Variants in CCDC3 observed in about 807,000 individuals in gnomAD.
CCDC3 encodes coiled-coil domain containing 3, also known as coiled-coil domain-containing protein 3.
Under a neutral mutation model 21.4 loss-of-function variants are expected in CCDC3, and 24 were observed. That is an observed-to-expected ratio of 1.12 (90% confidence interval 0.81 to 1.58). CCDC3 has a LOEUF of 1.58. Ranked by LOEUF, CCDC3 falls within the 40% of genes most tolerant of loss-of-function variation. CCDC3 has a pLI of 0.00. For synonymous variants in CCDC3, 186 were observed against 166.0 expected (o/e 1.12, Z -0.93); for missense variants, 425 against 360.9 (o/e 1.18, Z -1.44).
intron 2 of CCDC3, among the ~76,000 whole-genome samples, chr10:12,985,881 A>G (rs73583858): frequency 0.015 from 2,331 of 152,122 alleles, 65 homozygotes; most frequent in African/African-American, 0.053. Context: ...CGAGTTTTTT[A>G]TTTGTTTGTT....
chr10:12,981,039 A>AC (rs1443060344), intron 2 of CCDC3, among the ~76,000 whole-genome samples: 1 of 150,394 alleles, frequency 6.6e-6, no homozygotes, highest in Non-Finnish European at 1.5e-5. Context: ...GGAAGATTAG[A>AC]CTTTTTTTTT....
Position 12,898,516 on chromosome 10 carries a change from A to G in CCDC3, c.713T>C (p.Leu238Pro). The change falls in exon 3 of 3, where the codon CTG becomes CCG. Residue 238 changes from leucine to proline, a missense_variant. Coordinates refer to ENST00000378825, the MANE Select transcript of CCDC3 (RefSeq NM_031455.4). ...ACTGAGTTTCTGGTTCGCCAGCTCCAGGTGGCGGCCCTTCTTACGCGCCTG... is the reference window on the plus strand; with the variant it reads ...ACTGAGTTTCTGGTTCGCCAGCTCCGGGTGGCGGCCCTTCTTACGCGCCTG... Reference protein sequence around the residue: ...LRQARKKGRHLELANQKLSEK... With the variant: ...LRQARKKGRHPELANQKLSEK... 6.2e-7 allele frequency: 1 copy of G among 1,614,154 alleles called. No homozygotes were observed. Among genetic ancestry groups the G allele is most frequent in the Admixed American group, 1.7e-5 (1 of 60,024 alleles).
chr10:12,958,776 G>T (rs1158182707), intron 2 of CCDC3, among the ~76,000 whole-genome samples: 1 of 152,048 alleles, frequency 6.6e-6, no homozygotes, highest in African/African-American at 2.4e-5. Flanking sequence ...CCTCATCCTC[G>T]GCAGGTTCAT....
At chr10:12,957,178 A>G (rs1007450690) in intron 2 of CCDC3, among the ~76,000 whole-genome samples, 1 of 152,018 alleles carries the variant, frequency 6.6e-6, no homozygotes, top group Non-Finnish European at 1.5e-5. Flanking sequence ...AAGCACACTG[A>G]CCAACCCCCC....
At chr10:13,077,969 A>T (rs1340605656) in intron 3 of CCDC3, among the ~76,000 whole-genome samples, 3 of 152,242 alleles carry the variant, frequency 2.0e-5, no homozygotes, top group Non-Finnish European at 4.4e-5. Flanking sequence ...CATGACTAAA[A>T]CACCAAAAGC....
intron 2 of CCDC3, among the ~76,000 whole-genome samples, chr10:12,901,786 A>C (rs1834096795): frequency 6.6e-6 from 1 of 152,238 alleles, no homozygotes; most frequent in Admixed American, 6.5e-5. Context: ...GGACCCGGCC[A>C]ACATCTCCAG....
chr10:12,996,997 C>T (rs915057229), intron 2 of CCDC3, among the ~76,000 whole-genome samples: 3 of 152,036 alleles, frequency 2.0e-5, no homozygotes, highest in African/African-American at 4.8e-5. Context: ...GGGTGCGAAA[C>T]GATTGGTATA....
At chr10:13,076,903 T>C (rs1281420409) in intron 3 of CCDC3, among the ~76,000 whole-genome samples, 9 of 152,174 alleles carry the variant, frequency 5.9e-5, no homozygotes, top group Admixed American at 5.9e-4. Flanking sequence ...AGGGACAAGC[T>C]GCATAAGGGA....
chr10:13,001,265 GGT>G lies in CCDC3; in HGVS notation c.304_305del (p.Thr102ArgfsTer26). On this transcript the variant is annotated frameshift_variant, in exon 1 of 3. Coordinates refer to ENST00000378825, the MANE Select transcript of CCDC3 (RefSeq NM_031455.4). LOFTEE classifies it high-confidence loss of function. ...EVPAGSRLNL[T>X]GLGYFSCHSH... ...AGTGGCACGAGAAGTAGCCCAGGCC[GGT>G]GAGGTTGAGCCTGGAGCCGGCGGGC... 1 of 1,599,304 alleles carries G rather than the reference GGT, an allele frequency of 6.3e-7. No individual in the cohort carries two copies. Among genetic ancestry groups the G allele is most frequent in the Non-Finnish European group, 8.5e-7 (1 of 1,174,172 alleles).
intron 3 of CCDC3, among the ~76,000 whole-genome samples, chr10:13,093,058 G>A (rs1468949522): frequency 6.7e-6 from 1 of 148,492 alleles, no homozygotes. Flanking sequence ...AAAAACAAAG[G>A]AGTTACTGAC....
intron 5 of CCDC3, among the ~76,000 whole-genome samples, chr10:13,031,693 T>C (rs181004705): frequency 1.6e-4 from 25 of 152,128 alleles, no homozygotes; most frequent in Admixed American, 1.6e-3. Context: ...CAAACTACCA[T>C]CAGAGAATAC....
In CCDC3 at chr10:12,910,365, A is replaced by G. The variant is rs1398748572; in HGVS notation, c.550-11686T>C. Among the ~76,000 whole-genome samples, 5 of 152,192 alleles carry G rather than the reference A, an allele frequency of 3.3e-5. No homozygotes were observed. The South Asian group carries it at 1.0e-3, about 32-fold the overall frequency. Reference sequence around the variant, plus strand: ...ATTTGGTGTGCCTTAAAGCCATTCAATGTCGAATGCAGTTGCTGCTACATA... The same window carrying G: ...ATTTGGTGTGCCTTAAAGCCATTCAGTGTCGAATGCAGTTGCTGCTACATA... On this transcript the variant is annotated intron_variant, in intron 2 of 2. Transcript: ENST00000378825.
chr10:13,042,924 A>G (rs144259880), intron 5 of CCDC3, among the ~76,000 whole-genome samples: 3,503 of 148,630 alleles, frequency 0.024, 71 homozygotes, highest in South Asian at 0.073. Context: ...AAAAAAAAAA[A>G]AAAGAAAAGA....
intron 2 of CCDC3, among the ~76,000 whole-genome samples, chr10:12,936,585 G>A (rs889745828): frequency 2.0e-5 from 3 of 152,182 alleles, no homozygotes; most frequent in African/African-American, 7.2e-5. Context: ...CTAGGTATAG[G>A]TTTTTGGCAT....
chr10:12,936,078 T>C (rs1275867726), intron 2 of CCDC3, among the ~76,000 whole-genome samples: 2 of 152,022 alleles, frequency 1.3e-5, no homozygotes, highest in Non-Finnish European at 2.9e-5. Flanking sequence ...TTTTTGTATG[T>C]AGATCCAAGT....
chr10:13,034,728 A>G (rs558588236), intron 5 of CCDC3, among the ~76,000 whole-genome samples: 1 of 151,874 alleles, frequency 6.6e-6, no homozygotes, highest in Non-Finnish European at 1.5e-5. Flanking sequence ...CAAACAAACA[A>G]AAAACCAGGT....
chr10:12,952,781 C>T (rs890834429), intron 2 of CCDC3, among the ~76,000 whole-genome samples: 3 of 152,140 alleles, frequency 2.0e-5, no homozygotes, highest in African/African-American at 4.8e-5. Flanking sequence ...GACCTCAAAG[C>T]CTTCCCTCAC....
At chr10:12,933,086 A>C (rs1161766993) in intron 2 of CCDC3, among the ~76,000 whole-genome samples, 1 of 151,878 alleles carries the variant, frequency 6.6e-6, no homozygotes, top group African/African-American at 2.4e-5. Context: ...ATTTTTTTTC[A>C]TCTTGGTTCA....
upstream of CCDC3, among the ~76,000 whole-genome samples, chr10:13,003,141 G>C (rs2782277): frequency 1.2e-4 from 19 of 152,314 alleles, no homozygotes; most frequent in African/African-American, 4.6e-4. Context: ...TAGAGAAAGA[G>C]AGCAGGGATC....
Sources: allele counts gnomAD v4.1 joint callset (sites outside exome capture counted in the v4.1 genomes callset), GRCh38; gene constraint gnomAD v4.1.1; transcripts MANE v1.5; gene names NCBI Gene and HGNC (gene_info 2026-07-23, HGNC 2026-07-21).